Variants in IGF1R observed in about 807,000 individuals in gnomAD.
The protein encoded by IGF1R is insulin like growth factor 1 receptor.
Under a neutral mutation model 144.6 loss-of-function variants are expected in IGF1R, and 44 were observed. That is an observed-to-expected ratio of 0.30 (90% CI 0.24 to 0.39). IGF1R has a LOEUF of 0.39. Ranked by LOEUF, IGF1R falls within the 10% of genes least tolerant of loss-of-function variation. The pLI, the probability that IGF1R is intolerant of heterozygous loss-of-function variation, is 1.00. For missense variants in IGF1R, 1,355 were observed against 1,833.7 expected (o/e 0.74, Z 4.77); for synonymous variants, 795 against 722.8 (o/e 1.10, Z -1.60).
chr15:98,956,245 G>T (rs1297398907), intron 20 of IGF1R, among the ~76,000 whole-genome samples: 1 of 152,254 alleles, frequency 6.6e-6, no homozygotes, highest in East Asian at 1.9e-4. Flanking sequence ...CCCAGGTGCT[G>T]TCGGAGCCCA....
intron 2 of IGF1R, among the ~76,000 whole-genome samples, chr15:98,715,808 T>C (rs72767965): frequency 0.034 from 5,140 of 152,284 alleles, 126 homozygotes; most frequent in African/African-American, 0.068. Flanking sequence ...TCCCCTGACT[T>C]GGAGGTAGCG....
At chr15:98,684,933 T>C (rs2053287729) in intron 1 of IGF1R, among the ~76,000 whole-genome samples, 1 of 134,416 alleles carries the variant, frequency 7.4e-6, no homozygotes, top group African/African-American at 3.1e-5. Flanking sequence ...CCTTTTCCTT[T>C]TTTTTTTTTT....
chr15:98,663,628 G>T (rs544712325), intron 1 of IGF1R, among the ~76,000 whole-genome samples: 1 of 152,322 alleles, frequency 6.6e-6, no homozygotes, highest in South Asian at 2.1e-4. Context: ...ACTGCTTTCT[G>T]ATTTTTAGAG....
chr15:98,949,916 G>C (rs1052080977), intron 20 of IGF1R, among the ~76,000 whole-genome samples: 1 of 152,116 alleles, frequency 6.6e-6, no homozygotes, highest in Non-Finnish European at 1.5e-5. Flanking sequence ...GTTTGAGGAG[G>C]GGGTGAAGGT....
At chr15:98,811,072 G>T (rs1029430572) in intron 2 of IGF1R, among the ~76,000 whole-genome samples, 1 of 151,770 alleles carries the variant, frequency 6.6e-6, no homozygotes, top group African/African-American at 2.4e-5. Context: ...AGGCTGAGGC[G>T]GCCGGATCAC....
intron 2 of IGF1R, among the ~76,000 whole-genome samples, chr15:98,842,227 C>G (rs2011186755): frequency 6.6e-6 from 1 of 152,198 alleles, no homozygotes; most frequent in South Asian, 2.1e-4. Context: ...AAAATCTGTG[C>G]TTGTATACGT....
At chr15:98,817,622 A>G (rs1232355622) in intron 2 of IGF1R, among the ~76,000 whole-genome samples, 1 of 152,166 alleles carries the variant, frequency 6.6e-6, no homozygotes, top group Non-Finnish European at 1.5e-5. Flanking sequence ...CAGACTGATG[A>G]CCAGCAAGGC....
chr15:98,769,990 C>T (rs1318628733), intron 2 of IGF1R, among the ~76,000 whole-genome samples: 6 of 152,232 alleles, frequency 3.9e-5, no homozygotes, highest in South Asian at 4.2e-4. Context: ...CTGTGGTCTT[C>T]GGTTGCTTCC....
intron 2 of IGF1R, among the ~76,000 whole-genome samples, chr15:98,799,029 T>A (rs956501525): frequency 9.2e-5 from 14 of 152,142 alleles, no homozygotes; most frequent in African/African-American, 3.4e-4. Context: ...TGTCCTGGTA[T>A]GTATTTCAGT....
intron 2 of IGF1R, among the ~76,000 whole-genome samples, chr15:98,833,959 T>C (rs1841169565): frequency 6.6e-6 from 1 of 152,238 alleles, no homozygotes; most frequent in South Asian, 2.1e-4. Flanking sequence ...ATTACCCTTG[T>C]TGAGTAATAG....
intron 2 of IGF1R, among the ~76,000 whole-genome samples, chr15:98,872,476 A>T (rs1169591547): frequency 6.6e-6 from 1 of 152,222 alleles, no homozygotes; most frequent in Non-Finnish European, 1.5e-5. Flanking sequence ...TCAGCTGAGC[A>T]GGCAGAATTA....
intron 2 of IGF1R, chr15:98,873,778 A>G (rs1045082744): frequency 2.6e-5 from 4 of 152,234 alleles, no homozygotes; most frequent in Non-Finnish European, 5.9e-5. Flanking sequence ...AACCTGCTGC[A>G]GTTACCATGT....
In IGF1R at chr15:98,919,434, A is replaced by T. The variant is rs147103455; in HGVS notation, c.2201+2558A>T. ...TTCGGGTTGTGAGTCAAGGTTTTGG[A>T]AAGATTTTGCTGAAAGGCCCCTTGC... is the stretch of plus-strand genomic sequence containing the variant. On this transcript the variant is annotated intron_variant, in intron 10 of 20. Coordinates refer to ENST00000650285, the MANE Select transcript of IGF1R (RefSeq NM_000875.5). Among the ~76,000 whole-genome samples, 245 of 152,240 alleles carry T rather than the reference A, an allele frequency of 1.6e-3. 1 individual carries two copies. Among genetic ancestry groups the T allele is most frequent in the African/African-American group, 5.6e-3 (232 of 41,538 alleles).
rs2013927462 is a variant in IGF1R, at chr15:98,891,668, C to G, written c.953+31C>G. The G allele has an allele frequency of 6.3e-7, 1 of 1,591,176 alleles. No individual in the cohort carries two copies. Among genetic ancestry groups the G allele is most frequent in the African/African-American group, 1.3e-5 (1 of 74,760 alleles). On this transcript the variant is annotated intron_variant, in intron 3 of 20. Transcript: ENST00000650285. This position sits in a 1 kb window ranked among gnomAD's most constrained non-coding sequence, Gnocchi z 4.7. ...TCGCGGCCACACGTGTGGTCACTAC[C>G]CGCCCCACCTCACCCGCCACCCTAG...
intron 2 of IGF1R, among the ~76,000 whole-genome samples, chr15:98,858,824 A>G (rs1022098847): frequency 1.3e-5 from 2 of 152,194 alleles, no homozygotes; most frequent in Non-Finnish European, 1.5e-5. Context: ...TGAACAGCCA[A>G]ACTTCCTCTT....
chr15:98,955,183 G>C (rs12591122), intron 20 of IGF1R, among the ~76,000 whole-genome samples: 22,593 of 152,188 alleles, frequency 0.15, 1,887 homozygotes, highest in East Asian at 0.36. Flanking sequence ...ACACATAACT[G>C]CCTCGCTGCC....
chr15:98,768,761 T>G (rs1483427990), intron 2 of IGF1R, among the ~76,000 whole-genome samples: 1 of 3,306 alleles, frequency 3.0e-4, no homozygotes, highest in Admixed American at 5.6e-3. Context: ...CTACTAAAAA[T>G]ACAAAAAAAA....
rs913846472 is a variant in IGF1R, at chr15:98,935,878, C to T, written c.3297+452C>T. Among the ~76,000 whole-genome samples, 2 of 152,216 alleles carry T rather than the reference C, an allele frequency of 1.3e-5. No individual in the cohort carries two copies. Among genetic ancestry groups the T allele is most frequent in the Non-Finnish European group, 2.9e-5 (2 of 68,038 alleles). The stretch of plus-strand genomic sequence containing the variant: ...GCTGTTGTTGGAGTGTGTCCCCCCT[C>T]CACCCCGTTGTGTTTAGCTTTTCAT... On this transcript the variant is annotated intron_variant, in intron 17 of 20. Coordinates refer to ENST00000650285, the MANE Select transcript of IGF1R (RefSeq NM_000875.5). This position sits in a 1 kb window ranked among gnomAD's most constrained non-coding sequence, Gnocchi z 4.2.
chr15:98,767,020 C>T (rs1202384002), intron 2 of IGF1R, among the ~76,000 whole-genome samples: 2 of 152,094 alleles, frequency 1.3e-5, no homozygotes, highest in East Asian at 1.9e-4. Flanking sequence ...CCTTCCTTTC[C>T]GCCCGTTAAT....
Sources: gnomAD v4.1 joint callset for allele counts (sites outside exome capture counted in the v4.1 genomes callset) on GRCh38, gnomAD v4.1.1 for gene constraint, Gnocchi (gnomAD v3.1) non-coding constraint, MANE v1.5 for transcripts, NCBI Gene and HGNC (gene_info 2026-07-23, HGNC 2026-07-21) for gene names.